Variants in CCDC34 observed in about 807,000 individuals in gnomAD.
CCDC34 encodes coiled-coil domain-containing protein 34.
A neutral mutation model predicts 44.1 loss-of-function variants in CCDC34; 40 were observed. The observed-to-expected ratio is 0.91, with a 90% confidence interval of 0.70 to 1.18. The LOEUF is 1.18. CCDC34 is among the 50% of genes most tolerant of loss of function. The probability of loss-of-function intolerance (pLI) is 0.00; values close to 1 mark genes in which losing one functional copy is unlikely to be tolerated. For synonymous variants in CCDC34, 159 were observed against 158.2 expected, an observed-to-expected ratio of 1.01 and a Z score of -0.04; for missense variants, 466 against 452.3, an observed-to-expected ratio of 1.03 and a Z score of -0.28.
At chr11:27,342,989 T>G (rs1440307363) in intron 3 of CCDC34, among the ~76,000 whole-genome samples, 1 of 152,182 alleles carries the variant, frequency 6.6e-6, no homozygotes, top group African/African-American at 2.4e-5. Context: ...AAGAAATTCT[T>G]CCCTTGAAAG....
At chr11:27,360,646 T>C (rs1276747214) in intron 1 of CCDC34, among the ~76,000 whole-genome samples, 1 of 152,044 alleles carries the variant, frequency 6.6e-6, no homozygotes, top group Non-Finnish European at 1.5e-5. Flanking sequence ...CAAAGAGAGG[T>C]CAGCAGTTTG....
chr11:27,350,125 G>A (rs1281067012), intron 3 of CCDC34: 8 of 1,424,044 alleles, frequency 5.6e-6, no homozygotes, highest in East Asian at 2.6e-5. Context: ...ATTAGTGCAA[G>A]CCACAGGAGG....
At position 27,338,732 on chromosome 11, in the gene CCDC34, G is replaced by T. The variant is rs543197969; in HGVS notation, c.*89C>A. On this transcript the variant is annotated 3_prime_UTR_variant, in exon 6 of 6. Transcript: ENST00000328697. ...TGCTATTTGTCAATAATCACATTAA[G>T]TGTTGAGTTATTGACTGAGCAGTAA... is the stretch of plus-strand genomic sequence containing the variant. 93 of 1,002,686 alleles carry T rather than the reference G, an allele frequency of 9.3e-5. No individual in the cohort carries two copies. The Middle Eastern group carries it at 1.6e-3, about 18-fold the overall frequency. 62.1% of individuals were successfully genotyped at this position (1,002,686 alleles called of 1,614,324 possible). A position where few individuals can be genotyped will look rare whatever the true frequency, so the allele number is the denominator to read the frequency against.
chr11:27,347,930 T>C (rs1475647223), intron 3 of CCDC34, among the ~76,000 whole-genome samples: 6 of 151,844 alleles, frequency 4.0e-5, no homozygotes, highest in Admixed American at 3.9e-4. Context: ...CAGACTTCTG[T>C]AGGATTTAAA....
rs1862359725 is a variant in CCDC34, at chr11:27,341,562, A to T, written c.607-12T>A. 2.6e-6 allele frequency: 3 copies of T among 1,165,228 alleles called. No individual in the cohort carries two copies. Among genetic ancestry groups the T allele is most frequent in the African/African-American group, 1.6e-5 (1 of 63,290 alleles). The allele number at this position is 1,165,228 out of a possible 1,614,324, so 72.2% of individuals were successfully genotyped here. A position where few individuals can be genotyped will look rare whatever the true frequency, so the allele number is the denominator to read the frequency against. On this transcript the variant is annotated splice_polypyrimidine_tract_variant and intron_variant, in intron 3 of 5. Coordinates refer to ENST00000328697, the MANE Select transcript of CCDC34 (RefSeq NM_030771.2). ...CTTTCTTTTCTTTTCTTAAATAAAA[A>T]TAGATAAAGTTTAATTGTAATACCA...
chr11:27,341,489 A>T lies in CCDC34; in HGVS notation c.668T>A (p.Leu223Gln). 1 of 1,428,874 alleles carries T rather than the reference A, an allele frequency of 7.0e-7. No homozygotes were observed. Among genetic ancestry groups the T allele is most frequent in the Non-Finnish European group, 9.5e-7 (1 of 1,056,936 alleles). The allele number at this position is 1,428,874 out of a possible 1,614,324, so 88.5% of individuals were successfully genotyped here. Reference sequence around the variant, plus strand: ...TTTTTCTTGCAAGTATTCTTTCTCCAGTTCCTTTGCTGCTTTTTCCTCCAT... The same window carrying T: ...TTTTTCTTGCAAGTATTCTTTCTCCTGTTCCTTTGCTGCTTTTTCCTCCAT... Reference protein sequence around the residue: ...KEMEEKAAKELEKEYLQEKAK... With the variant: ...KEMEEKAAKEQEKEYLQEKAK... The change falls in exon 4 of 6, where the codon CTG (leucine) becomes CAG (glutamine). Residue 223 changes from leucine (L) to glutamine (Q), a missense_variant. Leu to Gln is a moderately radical substitution (Grantham distance 113). Transcript: ENST00000328697.
chr11:27,353,453 C>T (rs1010964127), intron 2 of CCDC34, among the ~76,000 whole-genome samples: 1 of 151,572 alleles, frequency 6.6e-6, no homozygotes, highest in African/African-American at 2.4e-5. Context: ...GAGCAGTTGG[C>T]TAAATAATTA....
At chr11:27,354,504 T>C in intron 2 of CCDC34, among the ~76,000 whole-genome samples, 1 of 152,094 alleles carries the variant, frequency 6.6e-6, no homozygotes, top group Non-Finnish European at 1.5e-5. Context: ...ATAAGGAAAT[T>C]GAGACACAGA....
In CCDC34 at chr11:27,338,740, T is replaced by G. The variant is rs1862313776; in HGVS notation, c.*81A>C. The G allele has an allele frequency of 8.9e-7, 1 of 1,120,472 alleles. No homozygotes were observed. The highest frequency in any genetic ancestry group is 1.6e-5 in the African/African-American group (1 of 64,046). The allele number at this position is 1,120,472 out of a possible 1,614,324, so 69.4% of individuals were successfully genotyped here. ...GTCAATAATCACATTAAGTGTTGAG[T>G]TATTGACTGAGCAGTAAAAAACAAT... On this transcript the variant is annotated 3_prime_UTR_variant, in exon 6 of 6. Coordinates refer to ENST00000328697, the MANE Select transcript of CCDC34 (RefSeq NM_030771.2).
intron 2 of CCDC34, among the ~76,000 whole-genome samples, chr11:27,356,326 A>AT (rs1035364009): frequency 2.5e-4 from 38 of 151,044 alleles, no homozygotes; most frequent in Middle Eastern, 6.8e-3. Context: ...AATTCCCAGG[A>AT]TTTTTTTTTA....
intron 3 of CCDC34, among the ~76,000 whole-genome samples, chr11:27,347,114 C>T (rs1455477758): frequency 1.3e-5 from 2 of 152,100 alleles, no homozygotes; most frequent in Non-Finnish European, 2.9e-5. Flanking sequence ...TGAAAATACG[C>T]TAAACATCAT....
chr11:27,358,958 A>AG (rs1862618018), intron 1 of CCDC34, among the ~76,000 whole-genome samples: 2 of 88,246 alleles, frequency 2.3e-5, no homozygotes, highest in Non-Finnish European at 4.5e-5. Context: ...CAACATGTGG[A>AG]CCCCCCCCCC....
intron 3 of CCDC34, among the ~76,000 whole-genome samples, chr11:27,344,357 CACAT>C (rs993008900): frequency 6.7e-6 from 1 of 148,186 alleles, no homozygotes; most frequent in Non-Finnish European, 1.5e-5. Context: ...ATGTTATAAA[CACAT>C]GCATGCTGCA....
At chr11:27,349,898 G>C in intron 3 of CCDC34, 1 of 1,008,472 alleles carries the variant, frequency 9.9e-7, no homozygotes, top group East Asian at 9.5e-5. Flanking sequence ...TAATTGTAAA[G>C]AAAAGGAGGA....
chr11:27,339,957 T>C (rs985098001), intron 5 of CCDC34, among the ~76,000 whole-genome samples: 3 of 151,930 alleles, frequency 2.0e-5, no homozygotes, highest in Non-Finnish European at 4.4e-5. Flanking sequence ...GAGCGGGACA[T>C]GCTCAGTAGC....
At chr11:27,345,867 T>C (rs1276700793) in intron 3 of CCDC34, among the ~76,000 whole-genome samples, 1 of 152,198 alleles carries the variant, frequency 6.6e-6, no homozygotes, top group East Asian at 1.9e-4. Context: ...CCACACTGAC[T>C]TCCACAATGG....
intron 1 of CCDC34, among the ~76,000 whole-genome samples, chr11:27,361,900 T>TAGAC (rs939434089): frequency 1.5e-4 from 23 of 152,190 alleles, no homozygotes; most frequent in African/African-American, 5.3e-4. Context: ...TATCCCAGAA[T>TAGAC]AGACCTGCAT....
chr11:27,358,872 G>T (rs966234838), intron 1 of CCDC34, among the ~76,000 whole-genome samples: 1 of 149,862 alleles, frequency 6.7e-6, no homozygotes, highest in Non-Finnish European at 1.5e-5. Flanking sequence ...ACAATCCTAC[G>T]TCAGTGAATG....
chr11:27,353,584 A>G (rs959273409), intron 2 of CCDC34, among the ~76,000 whole-genome samples: 1 of 152,188 alleles, frequency 6.6e-6, no homozygotes, highest in African/African-American at 2.4e-5. Context: ...CAAAAGTTAC[A>G]AATGTATACC....
Sources: allele counts gnomAD v4.1 joint callset (sites outside exome capture counted in the v4.1 genomes callset), GRCh38; gene constraint gnomAD v4.1.1; transcripts MANE v1.5; gene names NCBI Gene and HGNC (gene_info 2026-07-23, HGNC 2026-07-21).